Variants in DACH1 observed in about 807,000 individuals in gnomAD.
The protein encoded by DACH1 is dachshund family transcription factor 1.
DACH1 carries 12 observed loss-of-function variants against 54.2 expected under a neutral mutation model. That is an observed-to-expected ratio of 0.22 (90% CI 0.14 to 0.36). The LOEUF is 0.36. Ranked by LOEUF, DACH1 falls within the 10% of genes least tolerant of loss-of-function variation. DACH1 has a pLI of 1.00. For synonymous variants in DACH1, 386 were observed against 366.2 expected (o/e 1.05, Z -0.62); for missense variants, 805 against 929.8 (o/e 0.87, Z 1.75).
At chr13:71,612,261 T>C (rs1875390468) in intron 3 of DACH1, among the ~76,000 whole-genome samples, 2 of 152,106 alleles carry the variant, frequency 1.3e-5, no homozygotes, top group African/African-American at 4.8e-5. Flanking sequence ...GAGGTTAATT[T>C]GAGTGACTTA....
intron 1 of DACH1, among the ~76,000 whole-genome samples, chr13:71,796,870 C>T (rs1184980762): frequency 1.3e-5 from 2 of 152,060 alleles, no homozygotes; most frequent in Admixed American, 1.3e-4. Context: ...GGTTAGGAAA[C>T]TGGTTTCTCT....
At chr13:71,509,069 AGT>A in intron 6 of DACH1, among the ~76,000 whole-genome samples, 1 of 152,156 alleles carries the variant, frequency 6.6e-6, no homozygotes, top group African/African-American at 2.4e-5. Flanking sequence ...ATGTACTATT[AGT>A]ATATTTAACC....
intron 2 of DACH1, among the ~76,000 whole-genome samples, chr13:71,666,647 C>A (rs1474757675): frequency 6.6e-6 from 1 of 151,994 alleles, no homozygotes; most frequent in Non-Finnish European, 1.5e-5. Flanking sequence ...AAGAACCCTG[C>A]ATGCTAGTTG....
chr13:71,538,555 C>T (rs1385639947), intron 6 of DACH1, among the ~76,000 whole-genome samples: 1 of 151,962 alleles, frequency 6.6e-6, no homozygotes, highest in Non-Finnish European at 1.5e-5. Flanking sequence ...ACTGACATTC[C>T]ATTTACACGG....
intron 6 of DACH1, among the ~76,000 whole-genome samples, chr13:71,490,720 A>T (rs961202205): frequency 1.3e-5 from 2 of 152,188 alleles, no homozygotes; most frequent in African/African-American, 4.8e-5. Flanking sequence ...AGCTATCATA[A>T]ATTGCTCTTC....
At chr13:71,752,550 T>A (rs187667970) in intron 1 of DACH1, among the ~76,000 whole-genome samples, 312 of 152,042 alleles carry the variant, frequency 2.1e-3, no homozygotes, top group African/African-American at 7.0e-3. Context: ...AAATTATTAT[T>A]ACTTGGAATT....
intron 6 of DACH1, among the ~76,000 whole-genome samples, chr13:71,497,444 G>T (rs960235117): frequency 7.2e-5 from 11 of 151,838 alleles, no homozygotes; most frequent in South Asian, 4.2e-4. Context: ...TGGTTCTCCT[G>T]CCTCAGCCTC....
intron 1 of DACH1, among the ~76,000 whole-genome samples, chr13:71,788,726 A>C (rs1886710566): frequency 6.6e-6 from 1 of 152,072 alleles, no homozygotes; most frequent in Admixed American, 6.6e-5. Flanking sequence ...ATCATAATGA[A>C]AATAATGTAC....
intron 2 of DACH1, among the ~76,000 whole-genome samples, chr13:71,661,932 C>G (rs1028270156): frequency 6.6e-6 from 1 of 152,016 alleles, no homozygotes; most frequent in Non-Finnish European, 1.5e-5. Flanking sequence ...TATCCAAAGA[C>G]AGTGATAATG....
chr13:71,654,075 G>A (rs1594051514), intron 2 of DACH1, among the ~76,000 whole-genome samples: 1 of 152,062 alleles, frequency 6.6e-6, no homozygotes, highest in South Asian at 2.1e-4. Flanking sequence ...ATGTGCAAAG[G>A]GATAGGTAAC....
chr13:71,744,799 T>G (rs1309097674), intron 1 of DACH1, among the ~76,000 whole-genome samples: 2 of 152,218 alleles, frequency 1.3e-5, no homozygotes, highest in Non-Finnish European at 2.9e-5. Flanking sequence ...TTTAAATTCA[T>G]GAAACATCAT....
chr13:71,547,317 C>A (rs1351617401), intron 6 of DACH1, among the ~76,000 whole-genome samples: 1 of 152,010 alleles, frequency 6.6e-6, no homozygotes, highest in Admixed American at 6.6e-5. Flanking sequence ...TTCTAATCAA[C>A]CTTAACAGTA....
intron 1 of DACH1, among the ~76,000 whole-genome samples, chr13:71,753,820 C>T (rs1312642809): frequency 6.6e-6 from 1 of 152,146 alleles, no homozygotes; most frequent in Non-Finnish European, 1.5e-5. Context: ...CCTAAAGCTG[C>T]CAAGAGCTGT....
intron 1 of DACH1, among the ~76,000 whole-genome samples, chr13:71,700,319 A>G (rs1882055129): frequency 6.6e-6 from 1 of 152,140 alleles, no homozygotes; most frequent in Admixed American, 6.5e-5. Context: ...GCACTTTGGG[A>G]GTCCGAGTTG....
intron 1 of DACH1, among the ~76,000 whole-genome samples, chr13:71,708,379 A>C (rs1343831819): frequency 8.5e-5 from 13 of 152,200 alleles, no homozygotes; most frequent in African/African-American, 3.1e-4. Context: ...TTAGTAAATT[A>C]TTATTTTAAA....
intron 1 of DACH1, among the ~76,000 whole-genome samples, chr13:71,848,225 T>C (rs1454834872): frequency 6.6e-6 from 1 of 152,018 alleles, no homozygotes; most frequent in Non-Finnish European, 1.5e-5. Flanking sequence ...AAAAAAATGG[T>C]ATTTTTTTAC....
chr13:71,779,178 CACATATATACGTATATACGTATATAT>C (rs1886216948), intron 1 of DACH1, among the ~76,000 whole-genome samples: 1 of 121,218 alleles, frequency 8.2e-6, no homozygotes, highest in Admixed American at 8.0e-5. Context: ...TATATATATA[CACATATATACGTATATACGTATATAT>C]GTGTATATAT....
At chr13:71,602,586 A>G (rs1256812022) in intron 3 of DACH1, among the ~76,000 whole-genome samples, 1 of 152,022 alleles carries the variant, frequency 6.6e-6, no homozygotes, top group Admixed American at 6.6e-5. Context: ...AGCAACAAAA[A>G]GACAGAGCAG....
At chr13:71,548,213 T>C (rs1405766947) in intron 6 of DACH1, among the ~76,000 whole-genome samples, 2 of 152,182 alleles carry the variant, frequency 1.3e-5, no homozygotes, top group Non-Finnish European at 2.9e-5. Context: ...TAAAAAACTT[T>C]GTTTGTAGAA....
Sources: allele counts gnomAD v4.1 joint callset (sites outside exome capture counted in the v4.1 genomes callset), GRCh38; gene constraint gnomAD v4.1.1; transcripts MANE v1.5; gene names NCBI Gene and HGNC (gene_info 2026-07-23, HGNC 2026-07-21).